The following GPHN variants were observed in gnomAD, a reference collection of about 807,000 sequenced individuals.
GPHN encodes gephyrin.
Under a neutral mutation model 95.5 loss-of-function variants are expected in GPHN, and 17 were observed. That is an observed-to-expected ratio of 0.18 (90% CI 0.12 to 0.27). GPHN has a LOEUF of 0.27. Ranked by LOEUF, GPHN falls within the 10% of genes least tolerant of loss-of-function variation. The pLI, the probability that GPHN is intolerant of heterozygous loss-of-function variation, is 1.00. For missense variants in GPHN, 660 were observed against 978.1 expected (o/e 0.67, Z 4.34); for synonymous variants, 320 against 322.5 (o/e 0.99, Z 0.08).
At chr14:66,802,208 A>C (rs2060380808) in intron 3 of GPHN, among the ~76,000 whole-genome samples, 1 of 152,164 alleles carries the variant, frequency 6.6e-6, no homozygotes, top group East Asian at 1.9e-4. Flanking sequence ...TTCCCTTCAC[A>C]TTCCAAAAGC....
At chr14:67,240,446 T>G in the GPHN span, among the ~76,000 whole-genome samples, 1,398 of 152,276 alleles carry the variant, frequency 9.2e-3, 11 homozygotes, top group Non-Finnish European at 0.016. Flanking sequence ...GGGAGGACTG[T>G]GCCCCTGGGG....
intron 2 of GPHN, among the ~76,000 whole-genome samples, chr14:66,755,929 C>G (rs1426485094): frequency 1.3e-5 from 2 of 152,168 alleles, no homozygotes; most frequent in African/African-American, 4.8e-5. Flanking sequence ...CTTGTCCTGA[C>G]TTTCAAGAGT....
the GPHN span, chr14:67,645,849 T>C: frequency 6.2e-7 from 1 of 1,601,156 alleles, no homozygotes; most frequent in Non-Finnish European, 8.5e-7. Flanking sequence ...TGCAGGGTTT[T>C]GCTGGAGTTG....
the GPHN span, chr14:67,503,692 ATTATTT>A: frequency 6.6e-6 from 1 of 151,644 alleles, no homozygotes; most frequent in Non-Finnish European, 1.5e-5. Context: ...CTTTTTTTAA[ATTATTT>A]TTATTTTTTA....
At chr14:67,408,438 C>T in the GPHN span, among the ~76,000 whole-genome samples, 1 of 152,042 alleles carries the variant, frequency 6.6e-6, no homozygotes, top group Non-Finnish European at 1.5e-5. Context: ...AAGTCCTAAC[C>T]TCTGGACCTG....
At chr14:67,340,345 A>G in the GPHN span, 1 of 1,032,338 alleles carries the variant, frequency 9.7e-7, no homozygotes. Flanking sequence ...AGCTGTGCTA[A>G]TTCTAAAGAA....
chr14:66,849,289 TGA>T (rs1226782548), intron 4 of GPHN, among the ~76,000 whole-genome samples: 2 of 151,988 alleles, frequency 1.3e-5, no homozygotes, highest in Non-Finnish European at 1.5e-5. Context: ...TTAAAAACTA[TGA>T]GTAATTTAAT....
intron 6 of GPHN, among the ~76,000 whole-genome samples, chr14:66,920,827 A>G (rs1387384192): frequency 6.6e-6 from 1 of 152,066 alleles, no homozygotes; most frequent in Non-Finnish European, 1.5e-5. Context: ...TAGCTCCCAC[A>G]TATCAGTGAA....
intron 9 of GPHN, among the ~76,000 whole-genome samples, chr14:67,002,703 G>A (rs1216320641): frequency 6.6e-6 from 1 of 151,334 alleles, no homozygotes; most frequent in Non-Finnish European, 1.5e-5. Context: ...ACCTTTTGGG[G>A]TATCTTAAGT....
chr14:67,631,438 T>C, the GPHN span, among the ~76,000 whole-genome samples: 43 of 145,742 alleles, frequency 3.0e-4, no homozygotes, highest in African/African-American at 4.8e-4. Flanking sequence ...TTCTTTCTTT[T>C]TTTTTTTTTT....
chr14:66,518,174 TA>T (rs1181917302), intron 1 of GPHN, among the ~76,000 whole-genome samples: 4 of 149,858 alleles, frequency 2.7e-5, no homozygotes, highest in East Asian at 1.9e-4. Flanking sequence ...GCAATCTGAT[TA>T]AAAAAAGATG....
chr14:66,508,523 G>A lies in GPHN; in HGVS notation c.-5G>A. 1 of 1,613,978 alleles carries A rather than the reference G, an allele frequency of 6.2e-7. No homozygotes were observed. The highest frequency in any genetic ancestry group is 8.5e-7 in the Non-Finnish European group (1 of 1,179,856). On this transcript the variant is annotated 5_prime_UTR_variant, in exon 1 of 23. Transcript: ENST00000478722. ...CCTGTCAGTGCGGTGACTGCGCTGG[G>A]AAACATGGCGACCGAGGGAATGATC...
At chr14:66,688,827 C>T (rs1183052972) in intron 2 of GPHN, among the ~76,000 whole-genome samples, 1 of 151,250 alleles carries the variant, frequency 6.6e-6, no homozygotes, top group African/African-American at 2.4e-5. Context: ...GAAAACCAAA[C>T]ACCGCATGTT....
the GPHN span, among the ~76,000 whole-genome samples, chr14:67,257,299 G>A: frequency 2.6e-5 from 4 of 152,132 alleles, no homozygotes; most frequent in Non-Finnish European, 5.9e-5. Context: ...GGGTGACTGA[G>A]TTCTGTCTGT....
the GPHN span, chr14:67,208,579 T>A: frequency 1.0e-6 from 1 of 997,676 alleles, no homozygotes; most frequent in Non-Finnish European, 1.4e-6. Context: ...TGTAACTGAA[T>A]GATGATATAG....
chr14:66,902,484 A>G (rs921873181), intron 5 of GPHN, among the ~76,000 whole-genome samples: 1 of 151,998 alleles, frequency 6.6e-6, no homozygotes, highest in Non-Finnish European at 1.5e-5. Context: ...CCTTTTCAGT[A>G]TGCTAGTAAC....
chr14:67,133,799 G>A (rs912928438), intron 17 of GPHN, among the ~76,000 whole-genome samples: 2 of 152,076 alleles, frequency 1.3e-5, no homozygotes, highest in Non-Finnish European at 2.9e-5. Context: ...TAAGTGCGTG[G>A]TTCTTTGACA....
intron 11 of GPHN, among the ~76,000 whole-genome samples, chr14:67,078,630 T>G (rs2153661655): frequency 6.6e-6 from 1 of 152,266 alleles, no homozygotes; most frequent in African/African-American, 2.4e-5. Context: ...GCAGTACTAT[T>G]ATATTCTCTT....
intron 3 of GPHN, among the ~76,000 whole-genome samples, chr14:66,811,805 G>C (rs1383915675): frequency 1.3e-5 from 2 of 152,192 alleles, no homozygotes; most frequent in Non-Finnish European, 2.9e-5. Context: ...GCTACTTTGA[G>C]AATAAGCTTC....
Sources: allele counts gnomAD v4.1 joint callset (sites outside exome capture counted in the v4.1 genomes callset), GRCh38; gene constraint gnomAD v4.1.1; transcripts MANE v1.5; gene names NCBI Gene and HGNC (gene_info 2026-07-23, HGNC 2026-07-21).